Variants in TMEM131 observed in about 807,000 individuals in gnomAD.
TMEM131 encodes 2610524E03Rik.
A neutral mutation model predicts 211.6 loss-of-function variants in TMEM131; 66 were observed. The observed-to-expected ratio is 0.31, with a 90% CI of 0.26 to 0.38. The LOEUF is 0.38. TMEM131 is among the 10% of genes least tolerant of loss of function. The pLI is 1.00. For synonymous variants in TMEM131, 844 were observed against 841.3 expected (o/e 1.00, Z -0.06); for missense variants, 2,036 against 2,299.3 (o/e 0.89, Z 2.34).
intron 1 of TMEM131, among the ~76,000 whole-genome samples, chr2:97,984,039 C>T (rs929664529): frequency 4.6e-5 from 7 of 152,288 alleles, no homozygotes; most frequent in South Asian, 2.1e-4. Context: ...GCTAGCCACA[C>T]GGTACCCCTC....
chr2:97,881,724 G>GT (rs763218730), intron 4 of TMEM131, among the ~76,000 whole-genome samples: 4 of 16,306 alleles, frequency 2.5e-4, no homozygotes, highest in Non-Finnish European at 5.6e-4. Context: ...AAAAAAAAAA[G>GT]GGGGGGGGGC....
intron 33 of TMEM131, among the ~76,000 whole-genome samples, chr2:97,771,013 G>T (rs1256216933): frequency 6.6e-6 from 1 of 152,082 alleles, no homozygotes; most frequent in Admixed American, 6.5e-5. Flanking sequence ...CAGGATATTG[G>T]TGTCTCAGGT....
chr2:97,885,456 G>A (rs1403379525), intron 4 of TMEM131, among the ~76,000 whole-genome samples: 1 of 148,518 alleles, frequency 6.7e-6, no homozygotes, highest in Non-Finnish European at 1.5e-5. Context: ...CCAAAGTGCT[G>A]GGATTACAGG....
At chr2:97,915,932 T>C (rs1391714793) in intron 2 of TMEM131, among the ~76,000 whole-genome samples, 1 of 152,156 alleles carries the variant, frequency 6.6e-6, no homozygotes, top group East Asian at 1.9e-4. Flanking sequence ...TTTATTTTAA[T>C]AAAATAAAAT....
At position 97,794,994 on chromosome 2, in the gene TMEM131, C is replaced by T; in HGVS notation, c.3322G>A (p.Ala1108Thr). 1 of 1,613,046 alleles carries T rather than the reference C, an allele frequency of 6.2e-7. No individual in the cohort carries two copies. The highest frequency in any genetic ancestry group is 8.5e-7 in the Non-Finnish European group (1 of 1,179,390). ...CAGTTAGGTCTGGGTAGGGCTTCTGCACAGGTTGCTAACATATGGTAAGGA... is the reference window on the plus strand; with the variant it reads ...CAGTTAGGTCTGGGTAGGGCTTCTGTACAGGTTGCTAACATATGGTAAGGA... ...SLPYHMLATCAEALPRPNWEL... is the reference protein window; with the variant it reads ...SLPYHMLATCTEALPRPNWEL... The change falls in exon 29 of 41, where the codon GCA (alanine) becomes ACA (threonine). Residue 1108 changes from alanine to threonine, a missense_variant. Ala to Thr is a moderately conservative substitution (Grantham distance 58). Coordinates refer to ENST00000186436, the MANE Select transcript of TMEM131 (RefSeq NM_015348.2).
At chr2:97,934,964 C>T (rs1015137266) in intron 1 of TMEM131, among the ~76,000 whole-genome samples, 2 of 151,564 alleles carry the variant, frequency 1.3e-5, no homozygotes, top group African/African-American at 4.8e-5. Flanking sequence ...TGGCAGTGTT[C>T]CTAGAGTTGA....
rs765200065 is a variant in TMEM131, at chr2:97,760,660, T to A, written c.5041A>T (p.Asn1681Tyr). ...GGNGFAKVSS[N>Y]KTGFSSSLGI... is the part of the protein sequence containing the mutation. ...AGGCTGCTGGAGAAACCTGTTTTGTTTGAAGAAACTTTAGCAAAGCCATTC... is the reference window on the plus strand; with the variant it reads ...AGGCTGCTGGAGAAACCTGTTTTGTATGAAGAAACTTTAGCAAAGCCATTC... Residue 1681 changes from asparagine (N) to tyrosine (Y), a missense_variant, in exon 38 of 41, where the codon AAC becomes TAC. Around this residue, in one of 3 missense-constraint regions of TMEM131, gnomAD observed 1,623 missense variants for 1,805.9 expected, o/e 0.90. Coordinates refer to ENST00000186436, the MANE Select transcript of TMEM131 (RefSeq NM_015348.2). 1 of 1,613,854 alleles carries A rather than the reference T, an allele frequency of 6.2e-7. No individual in the cohort carries two copies. The highest frequency in any genetic ancestry group is 8.5e-7 in the Non-Finnish European group (1 of 1,179,838).
At chr2:97,943,849 C>T (rs540980141) in intron 1 of TMEM131, among the ~76,000 whole-genome samples, 15 of 152,122 alleles carry the variant, frequency 9.9e-5, no homozygotes, top group African/African-American at 2.6e-4. Context: ...TTTGGGAGGC[C>T]GAGGCAGGCA....
chr2:97,759,814 T>C lies in TMEM131; in HGVS notation c.5109-65A>G, dbSNP rs1221462676. ...ATGGTGGTTAGTGCAAACGGATCCA[T>C]AGTGCACAGCTTCACAAACAGGAGA... On this transcript the variant is annotated intron_variant, in intron 38 of 40. Coordinates refer to ENST00000186436, the MANE Select transcript of TMEM131 (RefSeq NM_015348.2). 31 of 1,149,252 alleles carry C rather than the reference T, an allele frequency of 2.7e-5. No individual in the cohort carries two copies. The South Asian group carries it at 3.1e-4, about 12-fold the overall frequency. 71.2% of individuals were successfully genotyped at this position (1,149,252 alleles called of 1,614,324 possible).
chr2:97,858,647 A>G (rs1272465811), intron 5 of TMEM131, among the ~76,000 whole-genome samples: 2 of 152,340 alleles, frequency 1.3e-5, no homozygotes, highest in African/African-American at 2.4e-5. Context: ...AGAGGACACC[A>G]GAGAGGTACA....
At chr2:97,767,196 T>A (rs1200293484) in intron 33 of TMEM131, among the ~76,000 whole-genome samples, 1 of 152,120 alleles carries the variant, frequency 6.6e-6, no homozygotes, top group Non-Finnish European at 1.5e-5. Flanking sequence ...AGCAAAAAAA[T>A]TAAATATATT....
rs1285801702 is a variant in TMEM131, at chr2:97,760,671, T to G, written c.5030A>C (p.Lys1677Thr). The G allele has an allele frequency of 3.7e-6, 6 of 1,613,918 alleles. No homozygotes were observed. In the East Asian group the frequency reaches 1.3e-4, roughly 36 times the overall value. ...GAAACCTGTTTTGTTTGAAGAAACT[T>G]TAGCAAAGCCATTCCCACCTGTAAC... ...DKSPGGNGFA[K>T]VSSNKTGFSS... is the part of the protein sequence containing the mutation. The change falls in exon 38 of 41, where the codon AAA becomes ACA. Residue 1677 changes from lysine to threonine, a missense_variant. Physicochemically the swap from Lys to Thr is moderately conservative, Grantham distance 78 (BLOSUM62 -1). Coordinates refer to ENST00000186436, the MANE Select transcript of TMEM131 (RefSeq NM_015348.2).
intron 1 of TMEM131, among the ~76,000 whole-genome samples, chr2:97,943,833 C>T (rs1249915884): frequency 6.6e-6 from 1 of 152,144 alleles, no homozygotes; most frequent in Non-Finnish European, 1.5e-5. Flanking sequence ...TCTGTAATTC[C>T]AGCACTTTGG....
chr2:97,953,502 A>G (rs753202400), intron 1 of TMEM131, among the ~76,000 whole-genome samples: 8 of 152,354 alleles, frequency 5.3e-5, no homozygotes, highest in Non-Finnish European at 1.2e-4. Context: ...TGCTCCTAAA[A>G]GTAAATGCAC....
At chr2:97,886,467 G>A (rs1023037001) in intron 4 of TMEM131, among the ~76,000 whole-genome samples, 1 of 152,026 alleles carries the variant, frequency 6.6e-6, no homozygotes, top group Non-Finnish European at 1.5e-5. Flanking sequence ...TTGGTGGGGT[G>A]CATTGGCTTT....
In TMEM131 at chr2:97,812,756, A is replaced by C; in HGVS notation, c.1618-7T>G. On this transcript the variant is annotated splice_polypyrimidine_tract_variant and splice_region_variant and intron_variant, in intron 15 of 40. Coordinates refer to ENST00000186436, the MANE Select transcript of TMEM131 (RefSeq NM_015348.2). ...TGGGGGGCAATACAAAGTACTGGAA[A>C]GATATAAAAGAACCAGATTAAAAAA... 1 of 1,448,260 alleles carries C rather than the reference A, an allele frequency of 6.9e-7. No individual in the cohort carries two copies. The highest frequency in any genetic ancestry group is 9.4e-7 in the Non-Finnish European group (1 of 1,064,688). The allele number at this position is 1,448,260 out of a possible 1,614,324, so 89.7% of individuals were successfully genotyped here. A position where few individuals can be genotyped will look rare whatever the true frequency, so the allele number is the denominator to read the frequency against.
At chr2:97,938,208 G>A (rs560103462) in intron 1 of TMEM131, among the ~76,000 whole-genome samples, 2 of 152,184 alleles carry the variant, frequency 1.3e-5, no homozygotes, top group African/African-American at 4.8e-5. Flanking sequence ...TGAGCTAAAT[G>A]CTCCAATTAA....
In TMEM131 at chr2:97,776,026, T is replaced by A. The variant is rs984560386; in HGVS notation, c.4145-8A>T. 6.3e-7 allele frequency: 1 copy of A among 1,595,934 alleles called. No individual in the cohort carries two copies. Among genetic ancestry groups the A allele is most frequent in the African/African-American group, 1.4e-5 (1 of 73,484 alleles). On this transcript the variant is annotated splice_region_variant and splice_polypyrimidine_tract_variant and intron_variant, in intron 31 of 40. Coordinates refer to ENST00000186436, the MANE Select transcript of TMEM131 (RefSeq NM_015348.2). ...GAAGAGGTTTTCCTTTCCCTGAGGA[T>A]AAAAATTAAAGTAAAAGAACTCTTG... is the stretch of plus-strand genomic sequence containing the variant.
chr2:97,844,114 G>A, intron 6 of TMEM131, 31 bp downstream of exon 6: 1 of 641,254 alleles, frequency 1.6e-6, no homozygotes, highest in East Asian at 3.3e-5. Flanking sequence ...TGATTATATT[G>A]TATAAAATAA....
Sources: allele counts gnomAD v4.1 joint callset (sites outside exome capture counted in the v4.1 genomes callset), GRCh38; gene constraint gnomAD v4.1.1; regional missense constraint gnomAD v4.1.1; transcripts MANE v1.5; gene names NCBI Gene and HGNC (gene_info 2026-07-23, HGNC 2026-07-21).